Variants in NFIX observed in about 807,000 individuals in gnomAD.
The protein encoded by NFIX is nuclear factor I X, also known as nuclear factor 1 X-type.
Under a neutral mutation model 53.3 loss-of-function variants are expected in NFIX, and 2 were observed. The ratio of observed to expected loss-of-function variants is 0.04; its 90% CI spans 0.02 to 0.12. The LOEUF is 0.12. NFIX is among the 10% of genes least tolerant of loss of function. NFIX has a pLI of 1.00. For missense variants in NFIX, 310 were observed against 674.5 expected (o/e 0.46, Z 5.99); for synonymous variants, 244 against 289.0 (o/e 0.84, Z 1.58).
chr19:13,008,753 G>A (rs546849861), intron 1 of NFIX, among the ~76,000 whole-genome samples: 1 of 152,154 alleles, frequency 6.6e-6, no homozygotes, highest in East Asian at 1.9e-4. Context: ...CCCTCCTTTG[G>A]CCCCCCTCCA....
At chr19:13,033,898 C>T (rs545250178) in intron 2 of NFIX, among the ~76,000 whole-genome samples, 23 of 152,240 alleles carry the variant, frequency 1.5e-4, no homozygotes, top group Non-Finnish European at 3.2e-4. Flanking sequence ...GTTTTGTCAG[C>T]TGCCTGAGCC....
chr19:13,041,205 G>T (rs1159280743), intron 2 of NFIX, among the ~76,000 whole-genome samples: 1 of 152,188 alleles, frequency 6.6e-6, no homozygotes, highest in Non-Finnish European at 1.5e-5. Context: ...ACACACAGGG[G>T]CTTAGTTTCA....
chr19:13,017,130 A>C (rs2012710896), intron 1 of NFIX, among the ~76,000 whole-genome samples: 1 of 152,038 alleles, frequency 6.6e-6, no homozygotes, highest in Non-Finnish European at 1.5e-5. Flanking sequence ...TTCCCGTGCA[A>C]ACAGTTTGTG....
Position 13,093,957 on chromosome 19 carries a change from G to C in NFIX, c.1495-678G>C, listed in dbSNP as rs1223874960. 6.6e-6 allele frequency among the ~76,000 whole-genome samples: 1 copy of C among 152,150 alleles called. No individual in the cohort carries two copies. ...ACAAGGCCCTGTCTGTGGGAAGGCA[G>C]CGCCCCCTGCTGGCGATATGAAGGA... On this transcript the variant is annotated intron_variant, in intron 10 of 10. Transcript: ENST00000592199. The surrounding 1 kb of genome is among the most constrained non-coding windows in gnomAD (Gnocchi z 4.7).
At position 13,081,828 on chromosome 19, in the gene NFIX, G is replaced by A. The variant is rs374101865; in HGVS notation, c.1227G>A (p.Ser409=). 14 of 1,613,824 alleles carry A rather than the reference G, an allele frequency of 8.7e-6. No individual in the cohort carries two copies. The highest frequency in any genetic ancestry group is 5.5e-5 in the South Asian group (5 of 91,082). ...AGGAGTTTGTGCAGTTTGTGTGCTC[G>A]GATGGCTCGGGCCAGGCCACCGGAC... is the stretch of plus-strand genomic sequence containing the variant. ...SLKEFVQFVC[S]DGSGQATGQP... is the part of the protein sequence containing the mutation. The change falls in exon 8 of 11, where the codon TCG becomes TCA. Residue 409 remains serine (S), a synonymous_variant. Transcript: ENST00000592199. The surrounding 1 kb of genome is among the most constrained non-coding windows in gnomAD (Gnocchi z 4.7).
Position 13,073,814 on chromosome 19 carries a change from C to A in NFIX, c.698-92C>A. ...CTCCTGGCCCCACAGTAAACTCACC[C>A]TGGGCTTCTGGGAAGCTGTTCATGA... On this transcript the variant is annotated intron_variant, in intron 4 of 10. Transcript: ENST00000592199. The surrounding 1 kb of genome is among the most constrained non-coding windows in gnomAD (Gnocchi z 4.5). The A allele has an allele frequency of 1.3e-6, 2 of 1,554,134 alleles. No individual in the cohort carries two copies. Among genetic ancestry groups the A allele is most frequent in the East Asian group, 2.3e-5 (1 of 43,204 alleles).
At chr19:13,024,330 T>C (rs920049329) in intron 1 of NFIX, 60 of 275,996 alleles carry the variant, frequency 2.2e-4, no homozygotes, top group Non-Finnish European at 3.2e-4. Flanking sequence ...AGTATTGGTG[T>C]CGATAACAAA....
At chr19:13,015,445 G>A (rs1340016748) in intron 1 of NFIX, among the ~76,000 whole-genome samples, 2 of 152,096 alleles carry the variant, frequency 1.3e-5, no homozygotes, top group African/African-American at 4.8e-5. Context: ...CACTCTCTCT[G>A]CTCTCTTCTC....
intron 6 of NFIX, among the ~76,000 whole-genome samples, chr19:13,076,081 G>C (rs1469234357): frequency 6.6e-6 from 1 of 152,144 alleles, no homozygotes; most frequent in African/African-American, 2.4e-5. Flanking sequence ...AGGATGTTTA[G>C]CAGCATCCCT....
At position 13,037,825 on chromosome 19, in the gene NFIX, A is replaced by G. The variant is rs559629672; in HGVS notation, c.559+12273A>G. On this transcript the variant is annotated intron_variant, in intron 2 of 10. Coordinates refer to ENST00000592199, the MANE Select transcript of NFIX (RefSeq NM_001365902.3). The surrounding 1 kb of genome is among the most constrained non-coding windows in gnomAD (Gnocchi z 4.2). ...GTCACAGTTGTGGGGGGAGGGTGCT[A>G]TTGGAATCTAGTGGGAAGAGTCTAC... Among the ~76,000 whole-genome samples, 1 of 152,230 alleles carries G rather than the reference A, an allele frequency of 6.6e-6. No individual in the cohort carries two copies. Among genetic ancestry groups the G allele is most frequent in the African/African-American group, 2.4e-5 (1 of 41,528 alleles).
chr19:13,081,269 A>G lies in NFIX; in HGVS notation c.1079-411A>G, dbSNP rs1354526876. On this transcript the variant is annotated intron_variant, in intron 7 of 10. Coordinates refer to ENST00000592199, the MANE Select transcript of NFIX (RefSeq NM_001365902.3). This position sits in a 1 kb window ranked among gnomAD's most constrained non-coding sequence, Gnocchi z 4.7. ...CCGTGATCCGTGTTTGTGCCACTGC[A>G]CTCCAGTCTGGATGACAGAGCGAGA... Among the ~76,000 whole-genome samples the G allele has an allele frequency of 6.6e-6, 1 of 152,086 alleles. No individual in the cohort carries two copies. The highest frequency in any genetic ancestry group is 1.5e-5 in the Non-Finnish European group (1 of 68,022).
intron 2 of NFIX, among the ~76,000 whole-genome samples, chr19:13,057,177 T>C (rs1318073470): frequency 6.6e-6 from 1 of 152,240 alleles, no homozygotes; most frequent in African/African-American, 2.4e-5. Flanking sequence ...ACCTGCAGCC[T>C]GCTGGGCCCA....
rs1326757679 is a variant in NFIX, at chr19:13,088,423, AG to A, written c.1402+291del. On this transcript the variant is annotated intron_variant, in intron 9 of 10. Coordinates refer to ENST00000592199, the MANE Select transcript of NFIX (RefSeq NM_001365902.3). This position sits in a 1 kb window ranked among gnomAD's most constrained non-coding sequence, Gnocchi z 5.9. ...AGAGCACAGCTGGGGCGCGCAGGCC[AG>A]GGGTGCTGGCGGGGGTGGGAGGGGG... Among the ~76,000 whole-genome samples, 6 of 150,176 alleles carry A rather than the reference AG, an allele frequency of 4.0e-5. No individual in the cohort carries two copies. The highest frequency in any genetic ancestry group is 7.4e-5 in the Non-Finnish European group (5 of 67,728).
chr19:13,039,895 T>C (rs930266156), intron 2 of NFIX, among the ~76,000 whole-genome samples: 2 of 152,082 alleles, frequency 1.3e-5, no homozygotes, highest in African/African-American at 4.8e-5. Flanking sequence ...CTTGAGATGA[T>C]GTAAAGGCTC....
At chr19:13,054,837 C>T (rs1021470366) in intron 2 of NFIX, among the ~76,000 whole-genome samples, 2 of 152,266 alleles carry the variant, frequency 1.3e-5, no homozygotes, top group Admixed American at 1.3e-4. Flanking sequence ...CGAATGTCAG[C>T]AGATGCACAC....
Position 13,089,601 on chromosome 19 carries a change from C to G in NFIX, c.1403-698C>G, listed in dbSNP as rs2018013940. ...CCATAGGCCTGAGCCTTGCCACCCC[C>G]TGGGCCCAAGCCAGGCAGCCAGCTC... On this transcript the variant is annotated intron_variant, in intron 9 of 10. Transcript: ENST00000592199. The surrounding 1 kb of genome is among the most constrained non-coding windows in gnomAD (Gnocchi z 4.8). Among the ~76,000 whole-genome samples, 1 of 152,220 alleles carries G rather than the reference C, an allele frequency of 6.6e-6. No homozygotes were observed. The highest frequency in any genetic ancestry group is 6.5e-5 in the Admixed American group (1 of 15,290).
intron 10 of NFIX, among the ~76,000 whole-genome samples, chr19:13,091,980 G>C (rs1299739294): frequency 2.0e-5 from 3 of 152,242 alleles, no homozygotes; most frequent in Admixed American, 6.5e-5. Context: ...TAGGCTCCAG[G>C]AGGTAGGAGG....
rs903661472 is a variant in NFIX at position 13,001,702 on chromosome 19, T to C, written c.27+5838T>C. Among the ~76,000 whole-genome samples, 1 of 152,170 alleles carries C rather than the reference T, an allele frequency of 6.6e-6. No individual in the cohort carries two copies. Among genetic ancestry groups the C allele is most frequent in the African/African-American group, 2.4e-5 (1 of 41,450 alleles). ...CAGTGTCATCACCCTCATATCACTG[T>C]GCCTCCTGAGCTTGTCCCCGTGACA... On this transcript the variant is annotated intron_variant, in intron 1 of 10. Transcript: ENST00000592199. The surrounding 1 kb of genome is among the most constrained non-coding windows in gnomAD (Gnocchi z 6.5).
At position 13,060,080 on chromosome 19, in the gene NFIX, A is replaced by C. The variant is rs1431686557; in HGVS notation, c.560-12967A>C. 2.0e-5 allele frequency among the ~76,000 whole-genome samples: 3 copies of C among 152,054 alleles called. No homozygotes were observed. Among genetic ancestry groups the C allele is most frequent in the Non-Finnish European group, 2.9e-5 (2 of 67,984 alleles). ...TGAGATTACAGGCATGAGCCACCGC[A>C]CCCGGCCAAGAGGAACGCTTTTGGC... On this transcript the variant is annotated intron_variant, in intron 2 of 10. Transcript: ENST00000592199. This position sits in a 1 kb window ranked among gnomAD's most constrained non-coding sequence, Gnocchi z 4.3.
Sources: allele counts gnomAD v4.1 joint callset (sites outside exome capture counted in the v4.1 genomes callset), GRCh38; gene constraint gnomAD v4.1.1; non-coding constraint Gnocchi (gnomAD v3.1); transcripts MANE v1.5; gene names NCBI Gene and HGNC (gene_info 2026-07-23, HGNC 2026-07-21).